SEMA5B: variants seen among roughly 807,000 people sequenced by gnomAD.
SEMA5B encodes the protein semaphorin 5B, also known as semaphorin-5B.
Under a neutral mutation model 135.0 loss-of-function variants are expected in SEMA5B, and 66 were observed. That is an observed-to-expected ratio of 0.49 (90% CI 0.40 to 0.60). SEMA5B has a LOEUF of 0.60. SEMA5B is among the 20% of genes least tolerant of loss of function. The probability of loss-of-function intolerance (pLI) is 0.00; values close to 1 mark genes in which losing one functional copy is unlikely to be tolerated. For missense variants in SEMA5B, 1,501 were observed against 1,566.3 expected (o/e 0.96, Z 0.70); for synonymous variants, 690 against 639.5 (o/e 1.08, Z -1.19).
intron 1 of SEMA5B, among the ~76,000 whole-genome samples, chr3:122,964,579 G>A (rs1252120904): frequency 6.6e-6 from 1 of 152,110 alleles, no homozygotes; most frequent in African/African-American, 2.4e-5. Flanking sequence ...GTGACCTCTG[G>A]GCTTTGGTCT....
intron 12 of SEMA5B, among the ~76,000 whole-genome samples, chr3:122,919,864 C>T (rs991857563): frequency 6.6e-6 from 1 of 152,212 alleles, no homozygotes; most frequent in Non-Finnish European, 1.5e-5. Context: ...AAACTGACCT[C>T]TTTGTGCCTT....
chr3:122,979,548 G>A (rs1312001013), intron 1 of SEMA5B, among the ~76,000 whole-genome samples: 2 of 152,168 alleles, frequency 1.3e-5, no homozygotes, highest in Admixed American at 6.6e-5. Flanking sequence ...GTGATTTCAG[G>A]GACTTGGAGA....
At chr3:122,936,551 A>C (rs1939295735) in intron 5 of SEMA5B, among the ~76,000 whole-genome samples, 4 of 152,202 alleles carry the variant, frequency 2.6e-5, no homozygotes, top group Admixed American at 1.3e-4. Context: ...CTGGCAAACC[A>C]AGATCATAAA....
chr3:122,970,836 T>C (rs1183633063), intron 1 of SEMA5B, among the ~76,000 whole-genome samples: 3 of 152,208 alleles, frequency 2.0e-5, no homozygotes, highest in East Asian at 3.9e-4. Context: ...CCCATGCTTT[T>C]CCCAAATCAT....
chr3:122,939,614 A>G lies in SEMA5B; in HGVS notation c.429-144T>C, dbSNP rs576368910. 7 of 640,914 alleles carry G rather than the reference A, an allele frequency of 1.1e-5. No homozygotes were observed. In the East Asian group the frequency reaches 1.9e-4, roughly 17 times the overall value. 39.7% of individuals were successfully genotyped at this position (640,914 alleles called of 1,614,324 possible). On this transcript the variant is annotated intron_variant, in intron 4 of 22. Transcript: ENST00000357599. ...AACCCCTAAGGAGAGCTTTACCTCC[A>G]TTTGCTCACTTAATCTTCACACAAC... is the stretch of plus-strand genomic sequence containing the variant.
At chr3:123,012,770 C>T (rs1394144438) in intron 1 of SEMA5B, among the ~76,000 whole-genome samples, 1 of 152,224 alleles carries the variant, frequency 6.6e-6, no homozygotes. Context: ...CCTCCTCTTC[C>T]TCCTTCATCC....
chr3:122,911,168 G>T (rs1937678382), intron 21 of SEMA5B, 123 bp from the exon 22 acceptor site: 11 of 1,034,952 alleles, frequency 1.1e-5, no homozygotes, highest in Non-Finnish European at 1.5e-5. Flanking sequence ...GGGCTCTGAG[G>T]CCACAGCCAA....
chr3:122,973,913 G>A (rs1305396690), intron 1 of SEMA5B, among the ~76,000 whole-genome samples: 4 of 152,204 alleles, frequency 2.6e-5, no homozygotes, highest in African/African-American at 9.7e-5. Context: ...CCCAATACCT[G>A]GTACTCTGGG....
In SEMA5B at chr3:123,012,093, C is replaced by T. The variant is rs77502538; in HGVS notation, c.-39+15371G>A. On this transcript the variant is annotated intron_variant, in intron 1 of 22. Coordinates refer to ENST00000357599, the MANE Select transcript of SEMA5B (RefSeq NM_001031702.4). Reference sequence around the variant, plus strand: ...GGCCTAGGTTCAAATCCTGCCTCTACCTCTATATAGTTGTGAGATGTTAGG... The same window carrying T: ...GGCCTAGGTTCAAATCCTGCCTCTATCTCTATATAGTTGTGAGATGTTAGG... Among the ~76,000 whole-genome samples, 150 of 152,306 alleles carry T rather than the reference C, an allele frequency of 9.8e-4. No homozygotes were observed. The East Asian group carries it at 0.021, about 21-fold the overall frequency.
intron 9 of SEMA5B, 49 bp from the exon 10 acceptor site, chr3:122,923,801 A>T: frequency 6.2e-7 from 1 of 1,609,738 alleles, no homozygotes; most frequent in African/African-American, 1.3e-5. Flanking sequence ...AAGACCTGGC[A>T]CCCTCCTCAT....
At chr3:123,003,744 G>C (rs973376312) in intron 1 of SEMA5B, among the ~76,000 whole-genome samples, 1 of 152,196 alleles carries the variant, frequency 6.6e-6, no homozygotes. Context: ...TGAGGCAGGA[G>C]AATCGCATGA....
At chr3:122,949,702 C>T (rs370778760) in intron 2 of SEMA5B, among the ~76,000 whole-genome samples, 4 of 152,170 alleles carry the variant, frequency 2.6e-5, no homozygotes, top group African/African-American at 9.7e-5. Flanking sequence ...ATTGTAAAAC[C>T]TCAGATTGGT....
intron 1 of SEMA5B, among the ~76,000 whole-genome samples, chr3:123,025,122 T>C (rs1196057263): frequency 1.3e-5 from 2 of 152,194 alleles, no homozygotes; most frequent in East Asian, 1.9e-4. Context: ...ATCTACAGTG[T>C]TGGGCTGGAC....
chr3:122,969,075 TGACA>T (rs1323824900), intron 1 of SEMA5B, among the ~76,000 whole-genome samples: 1 of 152,240 alleles, frequency 6.6e-6, no homozygotes, highest in Non-Finnish European at 1.5e-5. Context: ...CTTTTTTCTA[TGACA>T]GACAGTGTGC....
intron 15 of SEMA5B, 21 bp downstream of exon 15, chr3:122,913,837 A>C: frequency 6.3e-7 from 1 of 1,588,308 alleles, no homozygotes; most frequent in Non-Finnish European, 8.6e-7. Flanking sequence ...GGGACCTCAG[A>C]GCAAGCCTGT....
chr3:122,953,826 A>G (rs1940161822), intron 2 of SEMA5B, among the ~76,000 whole-genome samples: 1 of 152,156 alleles, frequency 6.6e-6, no homozygotes, highest in Non-Finnish European at 1.5e-5. Flanking sequence ...ATCTATGGAA[A>G]TCATCTCCCC....
chr3:123,024,823 G>C (rs1053920349), intron 1 of SEMA5B, among the ~76,000 whole-genome samples: 1 of 152,162 alleles, frequency 6.6e-6, no homozygotes, highest in Admixed American at 6.5e-5. Flanking sequence ...CTACTTAAAG[G>C]CTGTTAATTG....
At chr3:122,948,844 C>A in intron 2 of SEMA5B, 135 bp from the exon 3 acceptor site, 1 of 709,034 alleles carries the variant, frequency 1.4e-6, no homozygotes, top group Non-Finnish European at 2.3e-6. Flanking sequence ...TCAGAGTTTG[C>A]TCTGCTCTAG....
At chr3:122,985,393 T>C (rs1322572260) in intron 1 of SEMA5B, among the ~76,000 whole-genome samples, 1 of 152,088 alleles carries the variant, frequency 6.6e-6, no homozygotes, top group Non-Finnish European at 1.5e-5. Flanking sequence ...TTCTAGCTAC[T>C]CTGTCCTAGC....
Sources: gnomAD v4.1 joint callset for allele counts (sites outside exome capture counted in the v4.1 genomes callset) on GRCh38, gnomAD v4.1.1 for gene constraint, MANE v1.5 for transcripts, NCBI Gene and HGNC (gene_info 2026-07-23, HGNC 2026-07-21) for gene names.